Variants in DPP6 observed in about 807,000 individuals in gnomAD.
DPP6 encodes A-type potassium channel modulatory protein DPP6.
In DPP6, 69 loss-of-function variants were observed where a neutral mutation model predicts 122.6. The ratio of observed to expected loss-of-function variants is 0.56; its 90% CI spans 0.46 to 0.69. DPP6 has a LOEUF of 0.69. Ranked by LOEUF, DPP6 falls within the 30% of genes least tolerant of loss-of-function variation. DPP6 has a pLI of 0.00. For missense variants in DPP6, 928 were observed against 1,116.9 expected (o/e 0.83, Z 2.41); for synonymous variants, 418 against 433.1 (o/e 0.97, Z 0.43).
At chr7:153,819,968 G>T in the DPP6 span, among the ~76,000 whole-genome samples, 1 of 152,052 alleles carries the variant, frequency 6.6e-6, no homozygotes, top group Non-Finnish European at 1.5e-5. Context: ...TTAAAGCTAG[G>T]AACATTTTTC....
chr7:154,428,223 T>TA (rs1335612895), intron 1 of DPP6, among the ~76,000 whole-genome samples: 3 of 152,166 alleles, frequency 2.0e-5, no homozygotes, highest in Non-Finnish European at 4.4e-5. Context: ...CTCTTATTTT[T>TA]AAAAAACCTT....
At chr7:154,006,477 C>T (rs1211753940) in intron 1 of DPP6, among the ~76,000 whole-genome samples, 2 of 152,112 alleles carry the variant, frequency 1.3e-5, no homozygotes, top group Non-Finnish European at 1.5e-5. Context: ...CTGCTAAATT[C>T]AGCTGCCTTT....
chr7:153,858,861 A>G, the DPP6 span, among the ~76,000 whole-genome samples: 1 of 152,222 alleles, frequency 6.6e-6, no homozygotes, highest in East Asian at 1.9e-4. Context: ...ATTATCTGCT[A>G]CAATTAAGGC....
At chr7:154,033,459 C>T (rs181614067) in intron 1 of DPP6, among the ~76,000 whole-genome samples, 2 of 152,354 alleles carry the variant, frequency 1.3e-5, no homozygotes, top group African/African-American at 4.8e-5. Flanking sequence ...TCCAAGTCCC[C>T]GTCCAGCATT....
At chr7:154,292,071 A>T (rs991824155) in intron 1 of DPP6, among the ~76,000 whole-genome samples, 3 of 152,124 alleles carry the variant, frequency 2.0e-5, no homozygotes, top group African/African-American at 7.2e-5. Flanking sequence ...GATCTCGTCA[A>T]TTTAGTCCTT....
chr7:153,908,776 A>G (rs1799953601), intron 1 of DPP6, among the ~76,000 whole-genome samples: 1 of 152,076 alleles, frequency 6.6e-6, no homozygotes, highest in Admixed American at 6.5e-5. Context: ...CTTTTTTGAG[A>G]CAGAGTCTTG....
chr7:154,843,881 G>A (rs2140549), intron 16 of DPP6, among the ~76,000 whole-genome samples: 59,017 of 152,158 alleles, frequency 0.39, 13,953 homozygotes, highest in East Asian at 0.8. Context: ...TGGCATCAAA[G>A]CGTATTTTCA....
intron 2 of DPP6, among the ~76,000 whole-genome samples, chr7:154,462,216 CTA>C (rs1426553002): frequency 1.3e-5 from 2 of 152,130 alleles, no homozygotes; most frequent in Non-Finnish European, 2.9e-5. Flanking sequence ...TTCCATTGCT[CTA>C]TGTGTCTGTT....
chr7:154,465,532 A>C (rs1261262277), intron 2 of DPP6, among the ~76,000 whole-genome samples: 1 of 152,238 alleles, frequency 6.6e-6, no homozygotes, highest in Admixed American at 6.5e-5. Context: ...CAACTCTATC[A>C]AAAAGTGGGC....
chr7:154,132,375 C>T lies in DPP6; in HGVS notation c.243+79312C>T, dbSNP rs1795328137. Reference sequence around the variant, plus strand: ...ACCCAATATGCAATTCAGCTTAACCCACAGGGCACCTGCCATGGGCCACTT... The same window carrying T: ...ACCCAATATGCAATTCAGCTTAACCTACAGGGCACCTGCCATGGGCCACTT... On this transcript the variant is annotated intron_variant, in intron 1 of 25. Transcript: ENST00000377770. Among the ~76,000 whole-genome samples the T allele has an allele frequency of 3.3e-5, 5 of 152,254 alleles. No homozygotes were observed. The South Asian group carries it at 1.0e-3, about 32-fold the overall frequency.
At chr7:153,925,304 G>T (rs1186104461) in intron 1 of DPP6, among the ~76,000 whole-genome samples, 1 of 152,052 alleles carries the variant, frequency 6.6e-6, no homozygotes, top group Non-Finnish European at 1.5e-5. Context: ...ATCCCGCATG[G>T]TGGAGGGTCC....
At chr7:153,975,850 T>A (rs1177167960) in intron 1 of DPP6, among the ~76,000 whole-genome samples, 1 of 152,256 alleles carries the variant, frequency 6.6e-6, no homozygotes, top group African/African-American at 2.4e-5. Context: ...TCACTCAATG[T>A]GAGGTCGGAG....
At chr7:154,438,092 A>G (rs1819020199) in intron 1 of DPP6, among the ~76,000 whole-genome samples, 1 of 152,218 alleles carries the variant, frequency 6.6e-6, no homozygotes, top group African/African-American at 2.4e-5. Flanking sequence ...TGGATGAAGC[A>G]TCAATGCTTG....
chr7:154,770,686 A>G (rs1181330516), intron 9 of DPP6, among the ~76,000 whole-genome samples: 1 of 152,240 alleles, frequency 6.6e-6, no homozygotes, highest in Non-Finnish European at 1.5e-5. Flanking sequence ...TAGAGGGGCC[A>G]AGACAGTCAT....
At chr7:154,343,026 G>A (rs1810065387) in intron 1 of DPP6, among the ~76,000 whole-genome samples, 1 of 152,212 alleles carries the variant, frequency 6.6e-6, no homozygotes, top group African/African-American at 2.4e-5. Context: ...CGCTAACCAA[G>A]GTACAGCAAG....
intron 1 of DPP6, among the ~76,000 whole-genome samples, chr7:153,913,188 C>G (rs186569797): frequency 1.1e-3 from 162 of 152,260 alleles, no homozygotes; most frequent in Admixed American, 3.1e-3. Context: ...AATTCTCATG[C>G]CTCAGCCTCC....
At chr7:154,422,363 A>G (rs1468385605) in intron 1 of DPP6, among the ~76,000 whole-genome samples, 2 of 152,198 alleles carry the variant, frequency 1.3e-5, no homozygotes, top group Non-Finnish European at 2.9e-5. Context: ...CATAGAAGCA[A>G]ATTTGTGTAT....
At chr7:154,642,686 C>T (rs2130947392) in intron 6 of DPP6, among the ~76,000 whole-genome samples, 1 of 152,166 alleles carries the variant, frequency 6.6e-6, no homozygotes, top group South Asian at 2.1e-4. Flanking sequence ...CGCCTGTAAT[C>T]CCAGCACTGT....
the DPP6 span, among the ~76,000 whole-genome samples, chr7:153,803,299 G>T: frequency 2.0e-5 from 3 of 149,344 alleles, no homozygotes; most frequent in Admixed American, 2.0e-4. Flanking sequence ...TTATTTTGGG[G>T]TGTGTGTGTG....
Sources: gnomAD v4.1 joint callset for allele counts (sites outside exome capture counted in the v4.1 genomes callset) on GRCh38, gnomAD v4.1.1 for gene constraint, MANE v1.5 for transcripts, NCBI Gene and HGNC (gene_info 2026-07-23, HGNC 2026-07-21) for gene names.